The following DENND4C variants were observed in gnomAD, a reference collection of about 807,000 sequenced individuals.
The protein encoded by DENND4C is DENN domain containing 4C.
Under a neutral mutation model 203.0 loss-of-function variants are expected in DENND4C, and 108 were observed. That is an observed-to-expected ratio of 0.53 (90% CI 0.46 to 0.62). The LOEUF is 0.62. Ranked by LOEUF, DENND4C falls within the 20% of genes least tolerant of loss-of-function variation. The probability of loss-of-function intolerance (pLI) is 0.00; values close to 1 mark genes in which losing one functional copy is unlikely to be tolerated. For synonymous variants in DENND4C, 871 were observed against 792.4 expected (o/e 1.10, Z -1.67); for missense variants, 2,481 against 2,301.2 (o/e 1.08, Z -1.60).
intron 1 of DENND4C, among the ~76,000 whole-genome samples, chr9:19,258,614 A>G (rs1016101013): frequency 6.6e-6 from 1 of 152,184 alleles, no homozygotes; most frequent in Non-Finnish European, 1.5e-5. Context: ...ATGCAGAAAA[A>G]GTGCTTGATA....
chr9:19,282,796 A>C (rs1252064411), intron 2 of DENND4C, among the ~76,000 whole-genome samples: 1 of 132,628 alleles, frequency 7.5e-6, no homozygotes. Flanking sequence ...GGCTCACTAC[A>C]ATCTCTGCTT....
chr9:19,316,588 A>T, intron 11 of DENND4C, 33 bp from the exon 12 acceptor site: 2 of 1,606,254 alleles, frequency 1.2e-6, no homozygotes, highest in Non-Finnish European at 1.7e-6. Flanking sequence ...AATTTAACAT[A>T]ATACCATTTT....
chr9:19,291,685 A>G (rs1200331380), intron 5 of DENND4C, among the ~76,000 whole-genome samples: 1 of 140,670 alleles, frequency 7.1e-6, no homozygotes, highest in Admixed American at 7.5e-5. Flanking sequence ...AGCCTAGGCT[A>G]CAGAGCGATA....
chr9:19,260,694 G>C (rs888241666), intron 1 of DENND4C, among the ~76,000 whole-genome samples: 24 of 152,288 alleles, frequency 1.6e-4, no homozygotes, highest in African/African-American at 5.5e-4. Context: ...ACCATGCTCG[G>C]CCTATGTTCT....
chr9:19,301,359 A>T (rs934384519), intron 9 of DENND4C, among the ~76,000 whole-genome samples: 1 of 152,172 alleles, frequency 6.6e-6, no homozygotes, highest in Non-Finnish European at 1.5e-5. Context: ...GGGAGTAAGG[A>T]CCTAATCTCT....
intron 2 of DENND4C, among the ~76,000 whole-genome samples, chr9:19,283,696 C>G (rs1458059006): frequency 6.8e-6 from 1 of 146,618 alleles, no homozygotes; most frequent in Non-Finnish European, 1.5e-5. Flanking sequence ...ACTGCAACTC[C>G]GCGCCCCCTC....
chr9:19,307,207 G>A (rs952366764), intron 10 of DENND4C, among the ~76,000 whole-genome samples: 3 of 151,808 alleles, frequency 2.0e-5, no homozygotes, highest in Non-Finnish European at 2.9e-5. Context: ...AGGCCAGCCC[G>A]GGCAACTTGG....
At chr9:19,238,263 G>A (rs1822540626) in intron 1 of DENND4C, among the ~76,000 whole-genome samples, 1 of 151,466 alleles carries the variant, frequency 6.6e-6, no homozygotes. Flanking sequence ...TGTATTTTTA[G>A]TAGAGACAGT....
chr9:19,334,908 G>A, intron 17 of DENND4C, 69 bp from the exon 18 acceptor site: 1 of 1,378,564 alleles, frequency 7.3e-7, no homozygotes, highest in South Asian at 1.6e-5. Flanking sequence ...AAAGAATTCA[G>A]TAAAATCTCT....
intron 12 of DENND4C, among the ~76,000 whole-genome samples, chr9:19,317,725 A>G (rs1364179618): frequency 1.3e-5 from 2 of 152,248 alleles, no homozygotes; most frequent in Non-Finnish European, 2.9e-5. Context: ...GGGATCTTAA[A>G]TGGAAAATAA....
At chr9:19,338,897 T>TAAAAAAAAA (rs1821041217) in intron 20 of DENND4C, among the ~76,000 whole-genome samples, 1 of 152,236 alleles carries the variant, frequency 6.6e-6, no homozygotes, top group Admixed American at 6.5e-5. Context: ...CTGCATATGT[T>TAAAAAAAAA]ATTTTATGTG....
At chr9:19,326,956 A>G (rs1276725522) in intron 15 of DENND4C, among the ~76,000 whole-genome samples, 4 of 152,064 alleles carry the variant, frequency 2.6e-5, no homozygotes, top group African/African-American at 7.2e-5. Context: ...TTTGCTATCT[A>G]TATCTTTGTT....
At chr9:19,275,102 C>G (rs992953157) in intron 1 of DENND4C, among the ~76,000 whole-genome samples, 1 of 151,858 alleles carries the variant, frequency 6.6e-6, no homozygotes, top group Non-Finnish European at 1.5e-5. Flanking sequence ...CTCAGCCTCC[C>G]GAGTAGCTGG....
At chr9:19,291,513 G>C (rs1443470008) in intron 5 of DENND4C, 1 of 152,316 alleles carries the variant, frequency 6.6e-6, no homozygotes, top group Non-Finnish European at 1.5e-5. Context: ...AGGCCAGCCT[G>C]GGCAACATAG....
intron 4 of DENND4C, among the ~76,000 whole-genome samples, chr9:19,289,069 C>A (rs1319697987): frequency 6.6e-6 from 1 of 152,140 alleles, no homozygotes; most frequent in East Asian, 1.9e-4. Flanking sequence ...GATTTGAAAC[C>A]ACATGTTACT....
At chr9:19,326,603 G>C (rs2772402) in intron 15 of DENND4C, among the ~76,000 whole-genome samples, 6,810 of 152,150 alleles carry the variant, frequency 0.045, 209 homozygotes, top group Middle Eastern at 0.22. Flanking sequence ...ATTTGGATGT[G>C]ACTCTTTTAA....
intron 15 of DENND4C, among the ~76,000 whole-genome samples, chr9:19,326,906 A>T (rs1817947868): frequency 6.6e-6 from 1 of 152,012 alleles, no homozygotes; most frequent in Non-Finnish European, 1.5e-5. Flanking sequence ...TGCATTTATT[A>T]TGATTTATTT....
rs749825146 is a variant in DENND4C, at chr9:19,300,157, AT to A, written c.1167-29del. On this transcript the variant is annotated intron_variant, in intron 8 of 32. Coordinates refer to ENST00000434457, the MANE Select transcript of DENND4C (RefSeq NM_001330640.2). The stretch of plus-strand genomic sequence containing the variant: ...ACATATTTCAGCAAAATAGTTCACA[AT>A]GATCTACTTTTCTCTTTTTTTTCCC... 2.8e-5 allele frequency: 44 copies of A among 1,571,148 alleles called. 2 individuals are homozygous for A. Among genetic ancestry groups the A allele is most frequent in the Admixed American group, 1.4e-4 (8 of 58,336 alleles).
intron 22 of DENND4C, among the ~76,000 whole-genome samples, 154 bp downstream of exon 22, chr9:19,342,933 G>C (rs1821972197): frequency 6.6e-6 from 1 of 152,170 alleles, no homozygotes; most frequent in Non-Finnish European, 1.5e-5. Context: ...TAAAGAAATT[G>C]AAAATATTGT....
Sources: gnomAD v4.1 joint callset for allele counts (sites outside exome capture counted in the v4.1 genomes callset) on GRCh38, gnomAD v4.1.1 for gene constraint, MANE v1.5 for transcripts, NCBI Gene and HGNC (gene_info 2026-07-23, HGNC 2026-07-21) for gene names.